SMCHD1: variants seen among roughly 807,000 people sequenced by gnomAD.
The protein encoded by SMCHD1 is structural maintenance of chromosomes flexible hinge domain-containing protein 1.
In SMCHD1, 78 loss-of-function variants were observed where a neutral mutation model predicts 254.7. That is an observed-to-expected ratio of 0.31 (90% CI 0.26 to 0.37). SMCHD1 has a LOEUF of 0.37. Ranked by LOEUF, SMCHD1 falls within the 10% of genes least tolerant of loss-of-function variation. The pLI is 1.00. For missense variants in SMCHD1, 1,840 were observed against 2,408.1 expected (o/e 0.76, Z 4.94); for synonymous variants, 766 against 794.9 (o/e 0.96, Z 0.61).
chr18:2,784,344 A>C (rs1322934985), intron 44 of SMCHD1, 106 bp from the exon 45 acceptor site: 1 of 967,450 alleles, frequency 1.0e-6, no homozygotes, highest in African/African-American at 1.7e-5. Flanking sequence ...TGAAAATACT[A>C]CTGTGATCCT....
chr18:2,772,285 A>G lies in SMCHD1; in HGVS notation c.5088A>G (p.Leu1696=), dbSNP rs770079320. 1 of 1,606,194 alleles carries G rather than the reference A, an allele frequency of 6.2e-7. No homozygotes were observed. The highest frequency in any genetic ancestry group is 8.5e-7 in the Non-Finnish European group (1 of 1,177,220). Reference sequence around the variant, plus strand: ...TTGAAGCACTTCTGAAAAGAAAGCTATCAGAACAAGAAGAACTGAAGAAAA... The same window carrying G: ...TTGAAGCACTTCTGAAAAGAAAGCTGTCAGAACAAGAAGAACTGAAGAAAA... ...PHIEALLKRK[L]SEQEELKKKP... The change falls in exon 41 of 48, where the codon CTA becomes CTG. Residue 1696 remains leucine (L), a synonymous_variant. Coordinates refer to ENST00000320876, the MANE Select transcript of SMCHD1 (RefSeq NM_015295.3).
rs539996438 is a variant in SMCHD1, at chr18:2,689,122, A to C, written c.873+375A>C. On this transcript the variant is annotated intron_variant, in intron 7 of 47. Coordinates refer to ENST00000320876, the MANE Select transcript of SMCHD1 (RefSeq NM_015295.3). Reference sequence around the variant, plus strand: ...TTGCATTGAAATTCTTGTGTTCATAAGACAAAATGTTAACAAATTTGAATC... The same window carrying C: ...TTGCATTGAAATTCTTGTGTTCATACGACAAAATGTTAACAAATTTGAATC... 2.0e-5 allele frequency among the ~76,000 whole-genome samples: 3 copies of C among 152,318 alleles called. No individual in the cohort carries two copies. The South Asian group carries it at 6.2e-4, about 32-fold the overall frequency.
chr18:2,713,723 A>G (rs1396838353), intron 17 of SMCHD1, among the ~76,000 whole-genome samples: 1 of 152,250 alleles, frequency 6.6e-6, no homozygotes, highest in Non-Finnish European at 1.5e-5. Flanking sequence ...TATCAATTTT[A>G]TCATTGACAT....
intron 27 of SMCHD1, 107 bp from the exon 28 acceptor site, chr18:2,740,596 G>T: frequency 2.1e-6 from 1 of 475,800 alleles, no homozygotes; most frequent in Non-Finnish European, 3.5e-6. Flanking sequence ...AAATTACTCA[G>T]TAAGAGAACA....
intron 45 of SMCHD1, among the ~76,000 whole-genome samples, chr18:2,786,179 A>G (rs1434112519): frequency 6.6e-6 from 1 of 151,984 alleles, no homozygotes; most frequent in African/African-American, 2.4e-5. Context: ...ACACCTGGCA[A>G]ACTTTTGTAT....
At chr18:2,708,867 C>CATATATATATATAT (rs763226355) in intron 17 of SMCHD1, among the ~76,000 whole-genome samples, 5 of 8,290 alleles carry the variant, frequency 6.0e-4, no homozygotes, top group African/African-American at 1.6e-3. Flanking sequence ...TCAATAACTT[C>CATATATATATATAT]ATATATATAT....
chr18:2,765,319 A>G (rs1162629976), intron 37 of SMCHD1, among the ~76,000 whole-genome samples: 1 of 152,136 alleles, frequency 6.6e-6, no homozygotes. Context: ...CAAATCCATT[A>G]ATTTTCTTGA....
chr18:2,794,861 G>T, intron 45 of SMCHD1, among the ~76,000 whole-genome samples: 1 of 152,094 alleles, frequency 6.6e-6, no homozygotes, highest in East Asian at 1.9e-4. Context: ...TTTAAAATAA[G>T]TTGGATTATT....
At chr18:2,678,559 C>A (rs1299797184) in intron 5 of SMCHD1, among the ~76,000 whole-genome samples, 1 of 152,088 alleles carries the variant, frequency 6.6e-6, no homozygotes, top group South Asian at 2.1e-4. Context: ...TTAGGTAATC[C>A]GCCCACCTCG....
At chr18:2,661,913 T>G (rs1315076839) in intron 1 of SMCHD1, among the ~76,000 whole-genome samples, 1 of 151,218 alleles carries the variant, frequency 6.6e-6, no homozygotes, top group Non-Finnish European at 1.5e-5. Context: ...TCCCAGCACT[T>G]TGGGAGGCCG....
chr18:2,797,033 G>A (rs536258406), intron 47 of SMCHD1, among the ~76,000 whole-genome samples: 33 of 152,256 alleles, frequency 2.2e-4, no homozygotes, highest in African/African-American at 7.5e-4. Context: ...TAAATAACTT[G>A]TGCTAATTAT....
chr18:2,748,360 GTGTGTGTGTGTGTGTGTGTGTGTATA>G (rs1173305903), intron 30 of SMCHD1, among the ~76,000 whole-genome samples: 4 of 27,712 alleles, frequency 1.4e-4, no homozygotes, highest in African/African-American at 1.9e-4. Flanking sequence ...GTGTGTGTGT[GTGTGTGTGTGTGTGTGTGTGTGTATA>G]TAAATTTTTT....
At position 2,706,926 on chromosome 18, in the gene SMCHD1, G is replaced by A. The variant is rs1017327515; in HGVS notation, c.2063+456G>A. Among the ~76,000 whole-genome samples, 9 of 152,290 alleles carry A rather than the reference G, an allele frequency of 5.9e-5. No homozygotes were observed. The East Asian group carries it at 1.5e-3, about 26-fold the overall frequency. ...GAAACTTATAATCATGGCATAAGGC[G>A]AAGGGGAAGCAAGCCATGTCTTACA... On this transcript the variant is annotated intron_variant, in intron 15 of 47. Transcript: ENST00000320876.
rs547867890 is a variant in SMCHD1, at chr18:2,678,036, C to T, written c.638+3891C>T. ...CATACTCTGTAGTATACAAAAACCG[C>T]TCCTACTTAGCTTTGTTCTCCTCCC... On this transcript the variant is annotated intron_variant, in intron 5 of 47. Transcript: ENST00000320876. Among the ~76,000 whole-genome samples the T allele has an allele frequency of 4.1e-3, 628 of 152,294 alleles. 3 individuals carry two copies. Among genetic ancestry groups the T allele is most frequent in the African/African-American group, 0.015 (606 of 41,568 alleles).
rs779024826 is a variant in SMCHD1 at position 2,718,377 on chromosome 18, G to T, written c.2401G>T (p.Ala801Ser). The change falls in exon 19 of 48, where the codon GCA becomes TCA. Residue 801 changes from alanine to serine, a missense_variant. Physicochemically the swap from Ala to Ser is moderately conservative, Grantham distance 99 (BLOSUM62 1). Transcript: ENST00000320876. The surrounding 1 kb of genome is among the most constrained non-coding windows in gnomAD (Gnocchi z 4.6). ...KLQVVLNESN[A>S]DTYAGRPLPS... ...ACAAGTTGTGTTGAATGAAAGTAAT[G>T]CAGACACTTATGCAGGAAGACCACT... The T allele has an allele frequency of 6.2e-7, 1 of 1,612,682 alleles. No homozygotes were observed. The highest frequency in any genetic ancestry group is 8.5e-7 in the Non-Finnish European group (1 of 1,179,038).
At chr18:2,748,936 C>A (rs1255443067) in intron 30 of SMCHD1, among the ~76,000 whole-genome samples, 1 of 152,216 alleles carries the variant, frequency 6.6e-6, no homozygotes. Flanking sequence ...TTTCCCAGAA[C>A]CTGAAAAGGT....
At chr18:2,705,664 C>CTTTTT in intron 13 of SMCHD1, 30 bp from the exon 14 acceptor site, 1 of 896,094 alleles carries the variant, frequency 1.1e-6, no homozygotes. Flanking sequence ...AATACTGAAG[C>CTTTTT]TTTTTTTTTT....
intron 43 of SMCHD1, 63 bp downstream of exon 43, chr18:2,777,978 A>C: frequency 4.5e-6 from 5 of 1,110,776 alleles, no homozygotes; most frequent in Non-Finnish European, 5.1e-6. Context: ...CAAATCTATA[A>C]ATTACTGATA....
rs769432583 is a variant in SMCHD1 at position 2,708,907 on chromosome 18, T to TATATATATATATATATATATATAA, written c.2260+988_2260+989insTATATATATATATATATATATAAA. On this transcript the variant is annotated intron_variant, in intron 17 of 47. Transcript: ENST00000320876. ...ATATATATATATATATATATATATA[T>TATATATATATATATATATATATAA]AACATATTAACATGAAATTTATGAA... 7.9e-3 allele frequency among the ~76,000 whole-genome samples: 353 copies of TATATATATATATATATATATATAA among 44,682 alleles called. 87 individuals are homozygous for TATATATATATATATATATATATAA. The highest frequency in any genetic ancestry group is 0.016 in the East Asian group (14 of 862). The allele number at this position is 44,682 out of a possible 152,430, so 29.3% of individuals were successfully genotyped here.
Sources: gnomAD v4.1 joint callset for allele counts (sites outside exome capture counted in the v4.1 genomes callset) on GRCh38, gnomAD v4.1.1 for gene constraint, Gnocchi (gnomAD v3.1) non-coding constraint, MANE v1.5 for transcripts, NCBI Gene and HGNC (gene_info 2026-07-23, HGNC 2026-07-21) for gene names.